Variants in ANKRD44 observed in about 807,000 individuals in gnomAD.
ANKRD44 encodes ankyrin repeat domain 44.
Under a neutral mutation model 116.0 loss-of-function variants are expected in ANKRD44, and 35 were observed. The ratio of observed to expected loss-of-function variants is 0.30; its 90% CI spans 0.23 to 0.40. ANKRD44 has a LOEUF of 0.40. Ranked by LOEUF, ANKRD44 falls within the 10% of genes least tolerant of loss-of-function variation. The pLI, the probability that ANKRD44 is intolerant of heterozygous loss-of-function variation, is 1.00. For synonymous variants in ANKRD44, 435 were observed against 461.8 expected, an observed-to-expected ratio of 0.94 and a Z score of 0.74; for missense variants, 1,014 against 1,242.6, an observed-to-expected ratio of 0.82 and a Z score of 2.77.
chr2:197,071,850 T>C (rs1367745072), intron 16 of ANKRD44, among the ~76,000 whole-genome samples: 1 of 152,226 alleles, frequency 6.6e-6, no homozygotes, highest in African/African-American at 2.4e-5. Context: ...CAGTTTTTGC[T>C]TCACATATAT....
At chr2:197,106,789 C>T (rs2078439326) in intron 9 of ANKRD44, among the ~76,000 whole-genome samples, 1 of 44,566 alleles carries the variant, frequency 2.2e-5, no homozygotes, top group African/African-American at 5.8e-5. Flanking sequence ...GACTCCGTCT[C>T]AAATATATAT....
intron 1 of ANKRD44, among the ~76,000 whole-genome samples, chr2:197,287,319 G>C (rs1197522012): frequency 6.6e-6 from 1 of 151,992 alleles, no homozygotes; most frequent in Non-Finnish European, 1.5e-5. Flanking sequence ...TCCTCCAACT[G>C]ATTAAAAAAA....
chr2:197,067,182 G>T, intron 16 of ANKRD44, among the ~76,000 whole-genome samples: 1 of 152,164 alleles, frequency 6.6e-6, no homozygotes, highest in South Asian at 2.1e-4. Context: ...AAGCAATGGG[G>T]AAAGGATTCC....
Position 197,086,472 on chromosome 2 carries a change from A to G in ANKRD44, c.1316+208T>C, listed in dbSNP as rs578087487. Among the ~76,000 whole-genome samples, 4 of 152,006 alleles carry G rather than the reference A, an allele frequency of 2.6e-5. 1 individual carries two copies. The South Asian group carries it at 8.3e-4, about 32-fold the overall frequency. On this transcript the variant is annotated intron_variant, in intron 13 of 27. Coordinates refer to ENST00000282272, the MANE Select transcript of ANKRD44 (RefSeq NM_001195144.2). ...AAAAAGGGAGACAATTGGCACATCTAAACAGCAGCTGTGAGTGGAGATGCT... is the reference window on the plus strand; with the variant it reads ...AAAAAGGGAGACAATTGGCACATCTGAACAGCAGCTGTGAGTGGAGATGCT...
intron 18 of ANKRD44, among the ~76,000 whole-genome samples, chr2:197,011,404 T>G (rs1213459780): frequency 6.6e-6 from 1 of 152,164 alleles, no homozygotes; most frequent in East Asian, 1.9e-4. Flanking sequence ...TTTCTACAGT[T>G]GTGCTTTTGT....
rs200128204 is a variant in ANKRD44 at position 197,269,703 on chromosome 2, T to G, written c.27+40875A>C. ...CTACTACCTGCCAAACCATGCTAGGTACTGGGAGGACAAAGCCAGGAAAAT... is the reference window on the plus strand; with the variant it reads ...CTACTACCTGCCAAACCATGCTAGGGACTGGGAGGACAAAGCCAGGAAAAT... On this transcript the variant is annotated intron_variant, in intron 1 of 27. Transcript: ENST00000282272. 2.6e-4 allele frequency among the ~76,000 whole-genome samples: 39 copies of G among 152,200 alleles called. No individual in the cohort carries two copies. The East Asian group carries it at 7.1e-3, about 28-fold the overall frequency.
intron 1 of ANKRD44, among the ~76,000 whole-genome samples, chr2:197,217,724 G>T (rs553712041): frequency 6.6e-6 from 1 of 152,224 alleles, no homozygotes; most frequent in Admixed American, 6.5e-5. Flanking sequence ...ATCCTTTGAG[G>T]TAATAAAAGT....
At position 197,218,751 on chromosome 2, in the gene ANKRD44, CTTTTTTTTTTT is replaced by C. The variant is rs138330364; in HGVS notation, c.28-31656_28-31646del. ...TTCCTGGTATGGGAGGGTAAAGTCC[CTTTTTTTTTTT>C]TTTTTTTTTTTTTTTGAGATGGAGT... On this transcript the variant is annotated intron_variant, in intron 1 of 27. Transcript: ENST00000282272. Among the ~76,000 whole-genome samples, 68 of 52,350 alleles carry C rather than the reference CTTTTTTTTTTT, an allele frequency of 1.3e-3. 1 individual carries two copies. The highest frequency in any genetic ancestry group is 4.2e-3 in the African/African-American group (61 of 14,442). The allele number at this position is 52,350 out of a possible 152,430, so 34.3% of individuals were successfully genotyped here.
At chr2:197,089,150 T>G (rs886545672) in intron 11 of ANKRD44, among the ~76,000 whole-genome samples, 1 of 152,142 alleles carries the variant, frequency 6.6e-6, no homozygotes, top group Admixed American at 6.5e-5. Context: ...GGAACAGATT[T>G]TTTTCTGAAG....
chr2:197,083,629 G>A lies in ANKRD44; in HGVS notation c.1317-120C>T, dbSNP rs189972608. ...AAGCTCTTGGACTCTCAGAGTGTGT[G>A]GAGGCCAAAGTCATGCCTTCCTTCA... On this transcript the variant is annotated intron_variant, in intron 13 of 27. Transcript: ENST00000282272. 1.7e-5 allele frequency: 18 copies of A among 1,046,742 alleles called. No homozygotes were observed. In the East Asian group the frequency reaches 5.0e-4, roughly 29 times the overall value. 64.8% of individuals were successfully genotyped at this position (1,046,742 alleles called of 1,614,324 possible).
chr2:197,149,614 C>T (rs978829669), intron 2 of ANKRD44, among the ~76,000 whole-genome samples: 2 of 152,148 alleles, frequency 1.3e-5, no homozygotes, highest in East Asian at 1.9e-4. Context: ...AGGCAGTACT[C>T]CTTTAGTTCT....
intron 4 of ANKRD44, among the ~76,000 whole-genome samples, chr2:197,129,887 A>C (rs1559087715): frequency 6.6e-6 from 1 of 152,216 alleles, no homozygotes; most frequent in East Asian, 1.9e-4. Flanking sequence ...CCCTGCAGCC[A>C]TAAGCAATGT....
At chr2:197,121,566 G>T in intron 7 of ANKRD44, 22 bp from the exon 8 acceptor site, 1 of 1,603,520 alleles carries the variant, frequency 6.2e-7, no homozygotes, top group Non-Finnish European at 8.5e-7. Flanking sequence ...TCCAACACAG[G>T]GTGATTAAAG....
chr2:197,213,525 C>T (rs935398658), intron 1 of ANKRD44, among the ~76,000 whole-genome samples: 4 of 152,146 alleles, frequency 2.6e-5, no homozygotes, highest in African/African-American at 9.7e-5. Flanking sequence ...TAAAAAACAT[C>T]TCATTAGCAA....
intron 1 of ANKRD44, among the ~76,000 whole-genome samples, chr2:197,247,656 T>G (rs965948354): frequency 1.3e-5 from 2 of 152,094 alleles, no homozygotes; most frequent in South Asian, 2.1e-4. Flanking sequence ...TTATTCCCAT[T>G]TGGCTGATGA....
At chr2:196,984,330 C>G (rs2075822550), downstream of ANKRD44, among the ~76,000 whole-genome samples, 1 of 152,166 alleles carries the variant, frequency 6.6e-6, no homozygotes, top group African/African-American at 2.4e-5. Context: ...CAAATGCCCA[C>G]ACATTTCCAA....
At chr2:197,023,392 T>C (rs1302280072) in intron 17 of ANKRD44, among the ~76,000 whole-genome samples, 1 of 152,022 alleles carries the variant, frequency 6.6e-6, no homozygotes, top group African/African-American at 2.4e-5. Flanking sequence ...CACAGGTGAG[T>C]TGCTAATGAA....
chr2:197,263,415 TG>T, intron 1 of ANKRD44: 1 of 592,638 alleles, frequency 1.7e-6, no homozygotes, highest in Non-Finnish European at 3.1e-6. Context: ...TCATTGATTA[TG>T]CCAGGAACCC....
At chr2:197,218,690 G>C (rs2081507355) in intron 1 of ANKRD44, among the ~76,000 whole-genome samples, 1 of 148,524 alleles carries the variant, frequency 6.7e-6, no homozygotes, top group Non-Finnish European at 1.5e-5. Flanking sequence ...CCAAGGGATA[G>C]AGAAAAAAAC....
Sources: allele counts gnomAD v4.1 joint callset (sites outside exome capture counted in the v4.1 genomes callset), GRCh38; gene constraint gnomAD v4.1.1; transcripts MANE v1.5; gene names NCBI Gene and HGNC (gene_info 2026-07-23, HGNC 2026-07-21).